FBXL2: variants seen among roughly 807,000 people sequenced by gnomAD.
FBXL2 encodes F-box/LRR-repeat protein 2.
A neutral mutation model predicts 69.2 loss-of-function variants in FBXL2; 38 were observed. The ratio of observed to expected loss-of-function variants is 0.55; its 90% CI spans 0.42 to 0.72. FBXL2 has a LOEUF of 0.72. Among genes scored for constraint, FBXL2 ranks in the 30% least tolerant of loss-of-function variants. The pLI is 0.00. For synonymous variants in FBXL2, 192 were observed against 201.3 expected (o/e 0.95, Z 0.39); for missense variants, 354 against 520.3 (o/e 0.68, Z 3.11).
chr3:33,394,520 C>CATAG (rs1359362347), intron 12 of FBXL2, among the ~76,000 whole-genome samples: 1 of 152,026 alleles, frequency 6.6e-6, no homozygotes, highest in African/African-American at 2.4e-5. Flanking sequence ...AGCCACATTC[C>CATAG]AGTGTTCTGC....
At chr3:33,397,932 C>T (rs1241404048) in intron 12 of FBXL2, 1 of 152,094 alleles carries the variant, frequency 6.6e-6, no homozygotes, top group Non-Finnish European at 1.5e-5. Context: ...TACATACACA[C>T]CATGAACTAC....
chr3:33,323,275 A>G (rs1026929659), intron 2 of FBXL2, among the ~76,000 whole-genome samples: 10 of 152,230 alleles, frequency 6.6e-5, no homozygotes, highest in African/African-American at 2.4e-4. Flanking sequence ...TTTCTCATCT[A>G]TCAGTTGACT....
At chr3:33,342,901 T>TTTG (rs1263551549) in intron 2 of FBXL2, among the ~76,000 whole-genome samples, 19 of 145,802 alleles carry the variant, frequency 1.3e-4, no homozygotes, top group African/African-American at 4.3e-4. Context: ...CTGTTTTTTT[T>TTTG]TTTTTTTTTT....
rs552438895 is a variant in FBXL2 at position 33,387,283 on chromosome 3, G to A, written c.*1675G>A. On this transcript the variant is annotated 3_prime_UTR_variant, in exon 15 of 15. Coordinates refer to ENST00000484457, the MANE Select transcript of FBXL2 (RefSeq NM_012157.5). ...ATAACAGACTTGCTTCAGTGATTAT[G>A]AATTAGTTTAGTTTCTATTAAAAAA... is the stretch of plus-strand genomic sequence containing the variant. The A allele has an allele frequency of 2.0e-5, 3 of 152,266 alleles. No homozygotes were observed. The East Asian group carries it at 5.8e-4, about 29-fold the overall frequency. The allele number at this position is 152,266 out of a possible 1,614,324, so 9.4% of individuals were successfully genotyped here. A position where few individuals can be genotyped will look rare whatever the true frequency, so the allele number is the denominator to read the frequency against.
chr3:33,374,764 A>G (rs4678934), intron 9 of FBXL2, among the ~76,000 whole-genome samples: 36,845 of 152,086 alleles, frequency 0.24, 5,172 homozygotes, highest in East Asian at 0.47. Context: ...GGCCAAATTC[A>G]TAGAATTTAA....
downstream of FBXL2, chr3:33,389,918 TCAG>T (rs2043691659): frequency 5.9e-6 from 1 of 168,232 alleles, no homozygotes; most frequent in African/African-American, 2.4e-5. Flanking sequence ...CCTCTCCAGG[TCAG>T]CATAAGGTTC....
intron 2 of FBXL2, among the ~76,000 whole-genome samples, chr3:33,327,992 A>G (rs1335214929): frequency 6.6e-6 from 1 of 152,154 alleles, no homozygotes; most frequent in Non-Finnish European, 1.5e-5. Flanking sequence ...TGATTAACAA[A>G]TTCACTAAAG....
At chr3:33,349,969 A>C (rs1451402010) in intron 2 of FBXL2, among the ~76,000 whole-genome samples, 1 of 152,210 alleles carries the variant, frequency 6.6e-6, no homozygotes, top group Non-Finnish European at 1.5e-5. Context: ...CCAAACATTT[A>C]AGAAAGAAAT....
chr3:33,416,968 C>A, the FBXL2 span: 1 of 696,590 alleles, frequency 1.4e-6, no homozygotes, highest in Non-Finnish European at 2.4e-6. Context: ...GAAGCAAATT[C>A]AGGTTGATCC....
intron 2 of FBXL2, among the ~76,000 whole-genome samples, chr3:33,346,802 T>G (rs2040471539): frequency 6.8e-6 from 1 of 147,120 alleles, no homozygotes; most frequent in Admixed American, 7.0e-5. Flanking sequence ...TAAAGGAATA[T>G]TATCAACAAC....
intron 12 of FBXL2, chr3:33,393,305 GA>G (rs759587307): frequency 6.3e-7 from 1 of 1,598,758 alleles, no homozygotes; most frequent in Admixed American, 1.8e-5. Flanking sequence ...CAAATGATTT[GA>G]TTTACCTGAT....
At chr3:33,383,939 G>A (rs2043229269) in intron 13 of FBXL2, 50 bp from the exon 14 acceptor site, 6 of 1,578,280 alleles carry the variant, frequency 3.8e-6, no homozygotes, top group Non-Finnish European at 4.4e-6. Flanking sequence ...TAGGACTTGA[G>A]CCTTGGAATA....
At chr3:33,396,520 G>A (rs1360744986) in intron 12 of FBXL2, 2 of 485,946 alleles carry the variant, frequency 4.1e-6, no homozygotes, top group Admixed American at 3.4e-5. Context: ...TCAGATGCTG[G>A]TAAATTTAAG....
the FBXL2 span, among the ~76,000 whole-genome samples, chr3:33,409,886 G>A: frequency 1.3e-5 from 2 of 152,162 alleles, no homozygotes; most frequent in Non-Finnish European, 2.9e-5. Context: ...CACTACAGTA[G>A]CTTCCTATGT....
At chr3:33,335,895 A>G (rs1002046281) in intron 2 of FBXL2, among the ~76,000 whole-genome samples, 12 of 152,212 alleles carry the variant, frequency 7.9e-5, no homozygotes, top group African/African-American at 2.9e-4. Flanking sequence ...TCACACTAGC[A>G]TAAAATTACC....
intron 13 of FBXL2, among the ~76,000 whole-genome samples, chr3:33,379,698 CA>C (rs200352958): frequency 1.7e-4 from 24 of 144,114 alleles, no homozygotes; most frequent in Admixed American, 1.0e-3. Flanking sequence ...AAAACAAAAA[CA>C]AAAAAAAACA....
chr3:33,347,601 T>A (rs1326653338), intron 2 of FBXL2, among the ~76,000 whole-genome samples: 2 of 152,218 alleles, frequency 1.3e-5, no homozygotes, highest in East Asian at 3.8e-4. Flanking sequence ...CTCCAAACTG[T>A]TCTTCATAAC....
At chr3:33,337,355 A>G (rs952257962) in intron 2 of FBXL2, among the ~76,000 whole-genome samples, 3 of 152,200 alleles carry the variant, frequency 2.0e-5, no homozygotes, top group Non-Finnish European at 4.4e-5. Flanking sequence ...GTGCTTCACA[A>G]AAACCCCCAA....
intron 1 of FBXL2, among the ~76,000 whole-genome samples, chr3:33,280,936 C>T (rs2033928693): frequency 6.6e-6 from 1 of 152,012 alleles, no homozygotes; most frequent in South Asian, 2.1e-4. Context: ...TATTTTGACA[C>T]TTCTCTCTCT....
Sources: allele counts gnomAD v4.1 joint callset (sites outside exome capture counted in the v4.1 genomes callset), GRCh38; gene constraint gnomAD v4.1.1; transcripts MANE v1.5; gene names NCBI Gene and HGNC (gene_info 2026-07-23, HGNC 2026-07-21).